Variants in MACROD2 observed in about 807,000 individuals in gnomAD.
MACROD2 encodes ADP-ribose glycohydrolase MACROD2.
A neutral mutation model predicts 70.4 loss-of-function variants in MACROD2; 36 were observed. That is an observed-to-expected ratio of 0.51 (90% CI 0.39 to 0.68). The LOEUF (loss-of-function observed/expected upper bound fraction) is 0.68. Among genes scored for constraint, MACROD2 ranks in the 30% least tolerant of loss-of-function variants. The pLI, the probability that MACROD2 is intolerant of heterozygous loss-of-function variation, is 0.00. For synonymous variants in MACROD2, 172 were observed against 178.8 expected, an observed-to-expected ratio of 0.96 and a Z score of 0.30; for missense variants, 496 against 538.4, an observed-to-expected ratio of 0.92 and a Z score of 0.78.
chr20:15,562,357 T>A (rs1371128812), intron 8 of MACROD2, among the ~76,000 whole-genome samples: 1 of 152,206 alleles, frequency 6.6e-6, no homozygotes, highest in Admixed American at 6.5e-5. Flanking sequence ...AATACAAAGT[T>A]AATTAGTATG....
intron 4 of MACROD2, among the ~76,000 whole-genome samples, chr20:14,663,999 C>G (rs928313183): frequency 1.3e-5 from 2 of 152,004 alleles, no homozygotes; most frequent in African/African-American, 4.8e-5. Context: ...AGTTCTAGAA[C>G]GTATATTACA....
At chr20:14,699,756 T>G (rs975806769) in intron 5 of MACROD2, among the ~76,000 whole-genome samples, 1 of 152,006 alleles carries the variant, frequency 6.6e-6, no homozygotes, top group Non-Finnish European at 1.5e-5. Context: ...TCACAGAACT[T>G]TAAATCTAGA....
intron 3 of MACROD2, among the ~76,000 whole-genome samples, chr20:14,202,731 A>G (rs1408754731): frequency 6.6e-6 from 1 of 152,200 alleles, no homozygotes; most frequent in East Asian, 1.9e-4. Context: ...AGCTAATGGA[A>G]GAGATCTAAA....
intron 5 of MACROD2, among the ~76,000 whole-genome samples, chr20:15,028,972 C>T (rs1465446679): frequency 6.6e-6 from 1 of 152,168 alleles, no homozygotes; most frequent in African/African-American, 2.4e-5. Flanking sequence ...TGACCTTCCA[C>T]ATAATTCAGC....
At chr20:15,270,616 ATAAAAT>A (rs2077337808) in intron 6 of MACROD2, among the ~76,000 whole-genome samples, 1 of 152,208 alleles carries the variant, frequency 6.6e-6, no homozygotes, top group Non-Finnish European at 1.5e-5. Context: ...TAACCTAAAG[ATAAAAT>A]TAAAAAAATA....
intron 3 of MACROD2, chr20:14,328,830 T>TA (rs2082782428): frequency 2.0e-5 from 3 of 152,122 alleles, no homozygotes; most frequent in Admixed American, 1.3e-4. Context: ...TGCTTCCTGT[T>TA]ACTATGTAGG....
chr20:15,187,749 A>G (rs758359932), intron 5 of MACROD2, among the ~76,000 whole-genome samples: 1 of 152,054 alleles, frequency 6.6e-6, no homozygotes, highest in Non-Finnish European at 1.5e-5. Flanking sequence ...CATTAATTAC[A>G]TTTCTCCTTT....
chr20:15,374,892 G>A (rs920282997), intron 6 of MACROD2, among the ~76,000 whole-genome samples: 1 of 152,146 alleles, frequency 6.6e-6, no homozygotes, highest in Non-Finnish European at 1.5e-5. Context: ...TAAAATTCAT[G>A]GCTTTGCCCT....
intron 5 of MACROD2, among the ~76,000 whole-genome samples, chr20:14,799,195 A>G (rs911908958): frequency 6.6e-6 from 1 of 152,094 alleles, no homozygotes; most frequent in African/African-American, 2.4e-5. Context: ...TTGTATAAAT[A>G]TACTTCTGAT....
At chr20:15,401,582 G>A (rs2045931190) in intron 6 of MACROD2, among the ~76,000 whole-genome samples, 1 of 151,912 alleles carries the variant, frequency 6.6e-6, no homozygotes, top group Non-Finnish European at 1.5e-5. Flanking sequence ...AAACCTCTCT[G>A]TGTTTTTCAT....
At chr20:14,340,452 GAGA>G (rs771194397) in intron 3 of MACROD2, among the ~76,000 whole-genome samples, 5 of 152,176 alleles carry the variant, frequency 3.3e-5, no homozygotes, top group Admixed American at 6.5e-5. Flanking sequence ...CTAAGAATGG[GAGA>G]AGAATACACA....
intron 8 of MACROD2, among the ~76,000 whole-genome samples, chr20:15,622,173 G>C (rs1239974436): frequency 6.6e-6 from 1 of 152,238 alleles, no homozygotes; most frequent in East Asian, 1.9e-4. Flanking sequence ...CTTTGAGTTT[G>C]GCTAATGGTT....
At chr20:14,364,444 G>A (rs1488702776) in intron 3 of MACROD2, among the ~76,000 whole-genome samples, 1 of 152,124 alleles carries the variant, frequency 6.6e-6, no homozygotes, top group African/African-American at 2.4e-5. Context: ...AAAAATTATT[G>A]TGAAATTTAC....
At chr20:14,103,073 T>A (rs1267127335) in intron 3 of MACROD2, among the ~76,000 whole-genome samples, 1 of 152,190 alleles carries the variant, frequency 6.6e-6, no homozygotes, top group East Asian at 1.9e-4. Flanking sequence ...ATCTGACTTA[T>A]CACTTTGTTT....
chr20:14,797,157 G>A (rs926212522), intron 5 of MACROD2, among the ~76,000 whole-genome samples: 1 of 151,996 alleles, frequency 6.6e-6, no homozygotes, highest in Non-Finnish European at 1.5e-5. Context: ...GACCCCTGCT[G>A]AGCCCAAACT....
At chr20:14,162,996 G>T (rs2055212709) in intron 3 of MACROD2, among the ~76,000 whole-genome samples, 1 of 151,990 alleles carries the variant, frequency 6.6e-6, no homozygotes, top group Admixed American at 6.6e-5. Context: ...GTGGTTTTCT[G>T]TAGAGGTAAT....
At chr20:14,695,989 G>A (rs2071121120) in intron 5 of MACROD2, among the ~76,000 whole-genome samples, 1 of 152,142 alleles carries the variant, frequency 6.6e-6, no homozygotes, top group South Asian at 2.1e-4. Context: ...ATCAGAGTGG[G>A]GGATATCAAT....
rs144889914 is a variant in MACROD2 at position 14,553,269 on chromosome 20, C to T, written c.301+59761C>T. ...CACAGGACCAGGGTCATCAATATCA[C>T]TGTCTTCCACCTCCACATCTTTTCC... On this transcript the variant is annotated intron_variant, in intron 4 of 17. Transcript: ENST00000684519. 5.2e-3 allele frequency among the ~76,000 whole-genome samples: 796 copies of T among 152,006 alleles called. 8 individuals carry two copies. The highest frequency in any genetic ancestry group is 0.018 in the African/African-American group (752 of 41,516).
intron 4 of MACROD2, among the ~76,000 whole-genome samples, chr20:14,510,143 G>T (rs764214556): frequency 6.6e-6 from 1 of 151,876 alleles, no homozygotes; most frequent in African/African-American, 2.4e-5. Context: ...TTATCTTAGC[G>T]TTGGTGTTTA....
Sources: gnomAD v4.1 joint callset for allele counts (sites outside exome capture counted in the v4.1 genomes callset) on GRCh38, gnomAD v4.1.1 for gene constraint, MANE v1.5 for transcripts, NCBI Gene and HGNC (gene_info 2026-07-23, HGNC 2026-07-21) for gene names.